Variants in MPPED2 observed in about 807,000 individuals in gnomAD.
MPPED2 encodes metallophosphoesterase MPPED2.
MPPED2 carries 5 observed loss-of-function variants against 33.0 expected under a neutral mutation model. The observed-to-expected ratio is 0.15, with a 90% CI of 0.08 to 0.32. The LOEUF is 0.32. MPPED2 is among the 10% of genes least tolerant of loss of function. MPPED2 has a pLI of 1.00. For synonymous variants in MPPED2, 136 were observed against 141.9 expected (o/e 0.96, Z 0.29); for missense variants, 275 against 372.1 (o/e 0.74, Z 2.15).
intron 4 of MPPED2, among the ~76,000 whole-genome samples, chr11:30,464,926 T>G (rs897470635): frequency 6.6e-6 from 1 of 152,158 alleles, no homozygotes; most frequent in Non-Finnish European, 1.5e-5. Context: ...AGTTAAGAGA[T>G]AGGCTTTAGT....
chr11:30,473,021 A>G (rs929196450), intron 4 of MPPED2, among the ~76,000 whole-genome samples: 1 of 152,226 alleles, frequency 6.6e-6, no homozygotes, highest in Non-Finnish European at 1.5e-5. Flanking sequence ...ATATATACTT[A>G]TTTTTGGTGT....
intron 4 of MPPED2, among the ~76,000 whole-genome samples, chr11:30,436,514 A>G (rs1385061752): frequency 6.6e-6 from 1 of 152,172 alleles, no homozygotes; most frequent in Non-Finnish European, 1.5e-5. Context: ...TGTTAGCTTC[A>G]TTTACCTCTC....
chr11:30,549,327 T>A (rs534983521), intron 2 of MPPED2, among the ~76,000 whole-genome samples: 2 of 152,332 alleles, frequency 1.3e-5, no homozygotes, highest in East Asian at 3.9e-4. Flanking sequence ...AATTGCTTTC[T>A]TGGATACTTT....
chr11:30,417,713 C>T, intron 4 of MPPED2, 80 bp from the exon 5 acceptor site: 1 of 815,410 alleles, frequency 1.2e-6, no homozygotes, highest in South Asian at 1.5e-5. Flanking sequence ...TCGCACATTC[C>T]CCCACGGTTT....
chr11:30,536,546 C>T (rs535083826), intron 2 of MPPED2, among the ~76,000 whole-genome samples: 4 of 152,244 alleles, frequency 2.6e-5, no homozygotes, highest in African/African-American at 9.6e-5. Flanking sequence ...CCAATTGATC[C>T]CACTACTCAT....
chr11:30,443,039 A>C (rs1949652318), intron 4 of MPPED2, among the ~76,000 whole-genome samples: 1 of 152,114 alleles, frequency 6.6e-6, no homozygotes, highest in Admixed American at 6.5e-5. Flanking sequence ...TCTTTTTTTA[A>C]TCAAGTCACA....
At chr11:30,403,080 C>T (rs1234390607) in intron 6 of MPPED2, among the ~76,000 whole-genome samples, 1 of 151,986 alleles carries the variant, frequency 6.6e-6, no homozygotes, top group Non-Finnish European at 1.5e-5. Context: ...CCTGCCTCTA[C>T]TAAAAATACA....
chr11:30,402,486 G>C (rs1177264783), intron 6 of MPPED2, among the ~76,000 whole-genome samples: 1 of 152,138 alleles, frequency 6.6e-6, no homozygotes, highest in African/African-American at 2.4e-5. Context: ...AAAGCTAGCA[G>C]ACCTCACATT....
intron 4 of MPPED2, among the ~76,000 whole-genome samples, chr11:30,448,937 A>G (rs1428530581): frequency 1.3e-5 from 2 of 149,966 alleles, no homozygotes; most frequent in Non-Finnish European, 3.0e-5. Context: ...TACAGGCGTG[A>G]GCCACCACCC....
At chr11:30,463,447 G>A (rs1950585618) in intron 4 of MPPED2, among the ~76,000 whole-genome samples, 1 of 152,196 alleles carries the variant, frequency 6.6e-6, no homozygotes, top group Admixed American at 6.5e-5. Flanking sequence ...CCCAGGCTAA[G>A]GCCATTTGTG....
At chr11:30,472,977 C>A (rs1385193655) in intron 4 of MPPED2, among the ~76,000 whole-genome samples, 1 of 152,090 alleles carries the variant, frequency 6.6e-6, no homozygotes, top group East Asian at 1.9e-4. Context: ...GGATAAACAT[C>A]CTCTATGAAA....
intron 2 of MPPED2, among the ~76,000 whole-genome samples, chr11:30,536,505 C>T (rs896840331): frequency 2.6e-5 from 4 of 152,120 alleles, no homozygotes; most frequent in Non-Finnish European, 5.9e-5. Context: ...ACTGGGGAAG[C>T]AAAATTATGC....
chr11:30,426,553 G>A (rs1344516484), intron 4 of MPPED2, among the ~76,000 whole-genome samples: 1 of 152,142 alleles, frequency 6.6e-6, no homozygotes, highest in African/African-American at 2.4e-5. Flanking sequence ...ACCTCCCAGG[G>A]TATACACTCA....
chr11:30,570,963 A>T (rs780679025), intron 2 of MPPED2, among the ~76,000 whole-genome samples: 1 of 152,212 alleles, frequency 6.6e-6, no homozygotes, highest in Non-Finnish European at 1.5e-5. Context: ...GACAGTCTGT[A>T]CAAAGAAATA....
intron 4 of MPPED2, among the ~76,000 whole-genome samples, chr11:30,438,972 G>A (rs1302604175): frequency 6.6e-6 from 1 of 152,228 alleles, no homozygotes; most frequent in Non-Finnish European, 1.5e-5. Context: ...ATGCTAAATA[G>A]TTGTTAAAGT....
intron 4 of MPPED2, among the ~76,000 whole-genome samples, chr11:30,455,437 T>C (rs1019851292): frequency 1.3e-5 from 2 of 152,248 alleles, no homozygotes; most frequent in Non-Finnish European, 2.9e-5. Flanking sequence ...TCTTTCTCTT[T>C]GTGCTTTAAG....
intron 3 of MPPED2, among the ~76,000 whole-genome samples, chr11:30,511,632 C>T (rs191744274): frequency 6.6e-6 from 1 of 151,950 alleles, no homozygotes; most frequent in South Asian, 2.1e-4. Flanking sequence ...TGCACGTGCA[C>T]ACACACACAC....
intron 2 of MPPED2, among the ~76,000 whole-genome samples, chr11:30,576,511 G>A (rs1956937785): frequency 6.6e-6 from 1 of 152,030 alleles, no homozygotes; most frequent in African/African-American, 2.4e-5. Context: ...CAATAACACG[G>A]GGATTTCAAT....
chr11:30,395,752 T>C (rs554232999), intron 6 of MPPED2, among the ~76,000 whole-genome samples: 3 of 152,320 alleles, frequency 2.0e-5, no homozygotes, highest in East Asian at 3.9e-4. Context: ...TTTAATTTAA[T>C]ATAACTTATT....
Sources: gnomAD v4.1 joint callset for allele counts (sites outside exome capture counted in the v4.1 genomes callset) on GRCh38, gnomAD v4.1.1 for gene constraint, MANE v1.5 for transcripts, NCBI Gene and HGNC (gene_info 2026-07-23, HGNC 2026-07-21) for gene names.